LIMS1: variants seen among roughly 807,000 people sequenced by gnomAD.
LIMS1 encodes LIM zinc finger domain containing 1, also known as LIM and senescent cell antigen-like-containing domain protein 1.
LIMS1 carries 18 observed loss-of-function variants against 44.1 expected under a neutral mutation model. That is an observed-to-expected ratio of 0.41 (90% CI 0.28 to 0.61). LIMS1 has a LOEUF of 0.61. Ranked by LOEUF, LIMS1 falls within the 20% of genes least tolerant of loss-of-function variation. The pLI is 0.32. For missense variants in LIMS1, 201 were observed against 422.0 expected, an observed-to-expected ratio of 0.48 and a Z score of 4.59; for synonymous variants, 93 against 149.1, an observed-to-expected ratio of 0.62 and a Z score of 2.74.
chr2:108,662,126 T>TC (rs1459959190), intron 2 of LIMS1: 60 of 1,605,324 alleles, frequency 3.7e-5, no homozygotes, highest in Non-Finnish European at 4.4e-5. Flanking sequence ...GCTTTGTTTT[T>TC]CCAGACATTT....
chr2:108,555,206 A>AG (rs1170078444), intron 1 of LIMS1, among the ~76,000 whole-genome samples: 7 of 151,884 alleles, frequency 4.6e-5, no homozygotes, highest in Middle Eastern at 3.2e-3. Context: ...TTATTTTTTG[A>AG]GGGGGGAGGG....
chr2:108,642,345 TTTTTTTTTTTTTGTTTTTTG>T (rs11273626), intron 1 of LIMS1, among the ~76,000 whole-genome samples: 4,681 of 17,096 alleles, frequency 0.27, 493 homozygotes, highest in South Asian at 0.51. Flanking sequence ...GTTTTTTGTT[TTTTTTTTTTTTTGTTTTTTG>T]TTTTTTTTTT....
chr2:108,598,111 G>C (rs1307082977), intron 1 of LIMS1, among the ~76,000 whole-genome samples: 1 of 151,640 alleles, frequency 6.6e-6, no homozygotes, highest in Non-Finnish European at 1.5e-5. Context: ...AGCACCCACT[G>C]TGGTTGGCTG....
chr2:108,587,409 G>C (rs1364655295), intron 1 of LIMS1, among the ~76,000 whole-genome samples: 1 of 151,440 alleles, frequency 6.6e-6, no homozygotes, highest in African/African-American at 2.4e-5. Flanking sequence ...ATGTTGCCTA[G>C]TCTGGGCCTG....
chr2:108,616,197 CTTTTTTTTTT>C (rs1159229290), intron 1 of LIMS1, among the ~76,000 whole-genome samples: 1 of 71,950 alleles, frequency 1.4e-5, no homozygotes, highest in African/African-American at 5.6e-5. Context: ...TTTGCATGGG[CTTTTTTTTTT>C]TTTTTTTTTT....
chr2:108,575,119 C>T (rs1474754967), intron 1 of LIMS1, among the ~76,000 whole-genome samples: 1 of 152,142 alleles, frequency 6.6e-6, no homozygotes. Flanking sequence ...AGTAACACGC[C>T]TCAACACTCT....
At chr2:108,642,261 T>G (rs913656312) in intron 1 of LIMS1, among the ~76,000 whole-genome samples, 3 of 151,962 alleles carry the variant, frequency 2.0e-5, no homozygotes, top group Non-Finnish European at 2.9e-5. Context: ...GGCTTTTAAA[T>G]CCTACAGATA....
chr2:108,639,690 A>G (rs892899347), intron 1 of LIMS1, among the ~76,000 whole-genome samples: 8 of 152,074 alleles, frequency 5.3e-5, no homozygotes, highest in African/African-American at 1.9e-4. Flanking sequence ...TAACCTCATG[A>G]TTCACCCACT....
At chr2:108,548,547 A>G (rs1477711882) in intron 1 of LIMS1, among the ~76,000 whole-genome samples, 1 of 152,156 alleles carries the variant, frequency 6.6e-6, no homozygotes, top group Admixed American at 6.5e-5. Flanking sequence ...ATGACAGAGG[A>G]CGTTGGTGAA....
chr2:108,561,118 T>C (rs1255622295), intron 1 of LIMS1, among the ~76,000 whole-genome samples: 2 of 152,206 alleles, frequency 1.3e-5, no homozygotes, highest in Admixed American at 6.5e-5. Context: ...CTCTCAGTTG[T>C]GTTGGTATTT....
intron 1 of LIMS1, among the ~76,000 whole-genome samples, chr2:108,614,636 A>G (rs964223840): frequency 6.6e-6 from 1 of 152,220 alleles, no homozygotes; most frequent in Non-Finnish European, 1.5e-5. Flanking sequence ...GTGTCATTGA[A>G]TTGAACTTTT....
intron 1 of LIMS1, among the ~76,000 whole-genome samples, chr2:108,562,333 G>T (rs1238811048): frequency 6.6e-6 from 1 of 152,208 alleles, no homozygotes; most frequent in Non-Finnish European, 1.5e-5. Flanking sequence ...AGTAAGCTTA[G>T]TGAGGAAGGC....
intron 1 of LIMS1, among the ~76,000 whole-genome samples, chr2:108,631,296 G>GTA (rs554390853): frequency 6.6e-6 from 1 of 152,168 alleles, no homozygotes; most frequent in African/African-American, 2.4e-5. Flanking sequence ...AGGAGTCTGG[G>GTA]TATAGCCCAC....
chr2:108,633,003 A>T (rs2148898414), intron 1 of LIMS1, among the ~76,000 whole-genome samples: 1 of 151,908 alleles, frequency 6.6e-6, no homozygotes, highest in South Asian at 2.1e-4. Context: ...GTACCAGGTG[A>T]CTCCCTTGTC....
intron 1 of LIMS1, among the ~76,000 whole-genome samples, chr2:108,576,922 G>A (rs1309871733): frequency 2.6e-5 from 4 of 152,162 alleles, no homozygotes; most frequent in African/African-American, 7.2e-5. Flanking sequence ...AGGAGGGAAC[G>A]TGCCAACAGG....
At chr2:108,538,110 A>T (rs1356218446) in intron 1 of LIMS1, among the ~76,000 whole-genome samples, 1 of 152,194 alleles carries the variant, frequency 6.6e-6, no homozygotes, top group Non-Finnish European at 1.5e-5. Context: ...ACCCACAGGG[A>T]TGTCATCTAC....
At chr2:108,551,648 G>GTA (rs375074728) in intron 1 of LIMS1, among the ~76,000 whole-genome samples, 9 of 138,534 alleles carry the variant, frequency 6.5e-5, no homozygotes, top group East Asian at 2.1e-4. Context: ...GTATATATGT[G>GTA]TATATATATG....
At chr2:108,548,845 A>G (rs1684578643) in intron 1 of LIMS1, among the ~76,000 whole-genome samples, 1 of 152,236 alleles carries the variant, frequency 6.6e-6, no homozygotes, top group Non-Finnish European at 1.5e-5. Context: ...AACTCTACGA[A>G]TATAAGGCTT....
chr2:108,669,406 A>G (rs13396692), intron 2 of LIMS1, among the ~76,000 whole-genome samples: 6,248 of 146,576 alleles, frequency 0.043, 193 homozygotes, highest in African/African-American at 0.09. Flanking sequence ...AGACTCTGGG[A>G]AAAAAAAAAA....
Sources: allele counts gnomAD v4.1 joint callset (sites outside exome capture counted in the v4.1 genomes callset), GRCh38; gene constraint gnomAD v4.1.1; transcripts MANE v1.5; gene names NCBI Gene and HGNC (gene_info 2026-07-23, HGNC 2026-07-21).